The following RABGAP1L variants were observed in gnomAD, a reference collection of about 807,000 sequenced individuals.
The protein encoded by RABGAP1L is rab GTPase-activating protein 1-like.
A neutral mutation model predicts 137.7 loss-of-function variants in RABGAP1L; 63 were observed. That is an observed-to-expected ratio of 0.46 (90% CI 0.37 to 0.56). The LOEUF is 0.56. Ranked by LOEUF, RABGAP1L falls within the 20% of genes least tolerant of loss-of-function variation. The probability of loss-of-function intolerance (pLI) is 0.00; values close to 1 mark genes in which losing one functional copy is unlikely to be tolerated. For synonymous variants in RABGAP1L, 431 were observed against 433.7 expected (o/e 0.99, Z 0.08); for missense variants, 1,095 against 1,244.0 (o/e 0.88, Z 1.80).
chr1:174,871,475 A>G (rs1652184656), intron 19 of RABGAP1L, among the ~76,000 whole-genome samples: 1 of 152,200 alleles, frequency 6.6e-6, no homozygotes, highest in South Asian at 2.1e-4. Flanking sequence ...TTCACATACC[A>G]TCAAACTTGT....
chr1:174,706,109 G>A (rs961722016), intron 17 of RABGAP1L, among the ~76,000 whole-genome samples: 19 of 152,086 alleles, frequency 1.2e-4, no homozygotes, highest in Non-Finnish European at 2.2e-4. Flanking sequence ...CTTAGAAGAC[G>A]TATCATGACA....
Position 174,448,027 on chromosome 1 carries a change from C to T in RABGAP1L, c.1710+53882C>T. 2 of 1,153,490 alleles carry T rather than the reference C, an allele frequency of 1.7e-6. No individual in the cohort carries two copies. The highest frequency in any genetic ancestry group is 2.5e-6 in the Non-Finnish European group (2 of 798,444). 71.5% of individuals were successfully genotyped at this position (1,153,490 alleles called of 1,614,324 possible). A position where few individuals can be genotyped will look rare whatever the true frequency, so the allele number is the denominator to read the frequency against. ...CTGTCTACTGAAGCAGGTTCTGAAA[C>T]ACTCATGTGCGGTGTTTAACAGATG... On this transcript the variant is annotated intron_variant, in intron 13 of 25. Coordinates refer to ENST00000681986, the MANE Select transcript of RABGAP1L (RefSeq NM_001366446.1). This position sits in a 1 kb window ranked among gnomAD's most constrained non-coding sequence, Gnocchi z 4.2.
At chr1:174,237,028 C>A (rs1415041996) in intron 4 of RABGAP1L, among the ~76,000 whole-genome samples, 1 of 131,908 alleles carries the variant, frequency 7.6e-6, no homozygotes, top group African/African-American at 2.9e-5. Flanking sequence ...ATGTAATGGC[C>A]TTCTTTGTCT....
intron 19 of RABGAP1L, among the ~76,000 whole-genome samples, chr1:174,848,544 G>T (rs1490616984): frequency 2.7e-5 from 4 of 148,814 alleles, no homozygotes; most frequent in African/African-American, 5.1e-5. Flanking sequence ...CTGCTCGGGG[G>T]TCAGGGGTCA....
chr1:174,913,766 A>G (rs1660421370), intron 19 of RABGAP1L, among the ~76,000 whole-genome samples: 1 of 152,228 alleles, frequency 6.6e-6, no homozygotes, highest in Non-Finnish European at 1.5e-5. Context: ...TTATAGGAAA[A>G]GAAAAAGAAC....
chr1:174,928,874 G>C (rs1663252789), intron 19 of RABGAP1L, among the ~76,000 whole-genome samples: 1 of 151,936 alleles, frequency 6.6e-6, no homozygotes, highest in South Asian at 2.1e-4. Context: ...GGCTGGCTGG[G>C]GTACAAACAT....
At chr1:174,521,251 A>C (rs916321851) in intron 13 of RABGAP1L, among the ~76,000 whole-genome samples, 4 of 152,262 alleles carry the variant, frequency 2.6e-5, no homozygotes, top group African/African-American at 9.6e-5. Context: ...GTAATATTCT[A>C]AATTATTGCA....
intron 13 of RABGAP1L, among the ~76,000 whole-genome samples, chr1:174,533,786 T>G (rs1333497231): frequency 6.6e-6 from 1 of 152,146 alleles, no homozygotes; most frequent in Non-Finnish European, 1.5e-5. Flanking sequence ...TTCTCCTGCC[T>G]CAGCCTCCCA....
rs536132037 is a variant in RABGAP1L, at chr1:174,589,028, T to G, written c.1711-48347T>G. On this transcript the variant is annotated intron_variant, in intron 13 of 25. Coordinates refer to ENST00000681986, the MANE Select transcript of RABGAP1L (RefSeq NM_001366446.1). ...TTAATTTTTTGCAGAACTTCTATACTGTTCTTCATAGTGGTTGCACTAATT... is the reference window on the plus strand; with the variant it reads ...TTAATTTTTTGCAGAACTTCTATACGGTTCTTCATAGTGGTTGCACTAATT... Among the ~76,000 whole-genome samples the G allele has an allele frequency of 7.2e-5, 11 of 152,368 alleles. No individual in the cohort carries two copies. The South Asian group carries it at 2.3e-3, about 32-fold the overall frequency.
chr1:174,548,059 C>A (rs548713804), intron 13 of RABGAP1L: 1 of 1,549,886 alleles, frequency 6.5e-7, no homozygotes, highest in Non-Finnish European at 8.7e-7. Flanking sequence ...CTGTTAAATG[C>A]GTCAGTGCTC....
intron 14 of RABGAP1L, among the ~76,000 whole-genome samples, chr1:174,649,523 T>C (rs1445210029): frequency 2.6e-5 from 4 of 152,140 alleles, no homozygotes; most frequent in African/African-American, 4.8e-5. Flanking sequence ...TGTTGAATAT[T>C]GGCCCCCACT....
At chr1:174,383,514 CT>C (rs2149048284) in intron 12 of RABGAP1L, among the ~76,000 whole-genome samples, 1 of 152,224 alleles carries the variant, frequency 6.6e-6, no homozygotes, top group African/African-American at 2.4e-5. Flanking sequence ...TTAAGCCGGT[CT>C]GGAAAGGGCA....
In RABGAP1L at chr1:174,969,351, A is replaced by G. The variant is rs1004606167; in HGVS notation, c.2508A>G (p.Val836=). The G allele has an allele frequency of 5.8e-6, 9 of 1,550,530 alleles. No homozygotes were observed. Among genetic ancestry groups the G allele is most frequent in the South Asian group, 2.4e-5 (2 of 84,070 alleles). Residue 836 remains valine, a synonymous_variant, in exon 21 of 26, where the codon GTA becomes GTG. Transcript: ENST00000681986. ...QENDDLAHEL[V]TSKIALRNDL... ...ATGATGACCTTGCCCATGAACTAGT[A>G]ACAAGCAAAATTGCTCTACGGAATG...
At chr1:174,300,810 G>A (rs979823127) in intron 10 of RABGAP1L, among the ~76,000 whole-genome samples, 1 of 152,126 alleles carries the variant, frequency 6.6e-6, no homozygotes, top group Non-Finnish European at 1.5e-5. Context: ...AGGTTTCAGT[G>A]AGCCAAGGTG....
chr1:174,317,703 C>T (rs1679517941), intron 11 of RABGAP1L, among the ~76,000 whole-genome samples: 1 of 152,180 alleles, frequency 6.6e-6, no homozygotes, highest in Admixed American at 6.5e-5. Context: ...CCTAGTTCAT[C>T]ACTATGACTT....
intron 13 of RABGAP1L, among the ~76,000 whole-genome samples, chr1:174,409,439 G>C (rs1000589677): frequency 6.6e-6 from 1 of 152,082 alleles, no homozygotes; most frequent in Non-Finnish European, 1.5e-5. Flanking sequence ...GTATGTAACT[G>C]TACAAATTGA....
chr1:174,291,689 A>G lies in RABGAP1L; in HGVS notation c.1323+12910A>G, dbSNP rs1676621280. Among the ~76,000 whole-genome samples the G allele has an allele frequency of 1.3e-5, 2 of 151,992 alleles. 1 individual carries two copies. The highest frequency in any genetic ancestry group is 2.9e-5 in the Non-Finnish European group (2 of 67,994). ...TTTTAAATTTCTTGAAATGTTGGTG[A>G]TTTGTCTTTCAAGGAATGTTTCAAT... On this transcript the variant is annotated intron_variant, in intron 10 of 25. Coordinates refer to ENST00000681986, the MANE Select transcript of RABGAP1L (RefSeq NM_001366446.1).
intron 13 of RABGAP1L, among the ~76,000 whole-genome samples, chr1:174,553,264 G>C (rs1452467417): frequency 6.6e-6 from 1 of 152,096 alleles, no homozygotes; most frequent in Non-Finnish European, 1.5e-5. Context: ...TGCTTTTCTT[G>C]CAATTGTTTT....
chr1:174,990,296 A>C lies in RABGAP1L; in HGVS notation c.*295A>C. ...GTTGGAAATAAGTAATTCAGAACTA[A>C]ATGCTTTTTTATTTAGAATTATTCA... On this transcript the variant is annotated 3_prime_UTR_variant, in exon 26 of 26. Transcript: ENST00000681986. 1 of 255,924 alleles carries C rather than the reference A, an allele frequency of 3.9e-6. No individual in the cohort carries two copies. Among genetic ancestry groups the C allele is most frequent in the Non-Finnish European group, 7.3e-6 (1 of 136,844 alleles). 15.9% of individuals were successfully genotyped at this position (255,924 alleles called of 1,614,324 possible). A position where few individuals can be genotyped will look rare whatever the true frequency, so the allele number is the denominator to read the frequency against.
Sources: gnomAD v4.1 joint callset for allele counts (sites outside exome capture counted in the v4.1 genomes callset) on GRCh38, gnomAD v4.1.1 for gene constraint, Gnocchi (gnomAD v3.1) non-coding constraint, MANE v1.5 for transcripts, NCBI Gene and HGNC (gene_info 2026-07-23, HGNC 2026-07-21) for gene names.